The following DHX34 variants were observed in gnomAD, a reference collection of about 807,000 sequenced individuals.
The protein encoded by DHX34 is DExH-box helicase 34.
DHX34 carries 96 observed loss-of-function variants against 111.1 expected under a neutral mutation model. The ratio of observed to expected loss-of-function variants is 0.86; its 90% confidence interval spans 0.73 to 1.02. The LOEUF is 1.02. Among genes scored for constraint, DHX34 ranks in the 50% least tolerant of loss-of-function variants. The probability of loss-of-function intolerance (pLI) is 0.00; values close to 1 mark genes in which losing one functional copy is unlikely to be tolerated. For missense variants in DHX34, 1,560 were observed against 1,579.9 expected, an observed-to-expected ratio of 0.99 and a Z score of 0.21; for synonymous variants, 688 against 670.4, an observed-to-expected ratio of 1.03 and a Z score of -0.41.
chr19:47,368,273 A>G (rs190579965), intron 7 of DHX34, among the ~76,000 whole-genome samples: 2,500 of 89,664 alleles, frequency 0.028, 28 homozygotes, highest in Middle Eastern at 0.075. Context: ...TGTAACCAAC[A>G]GTCTCATCAT....
At chr19:47,381,429 C>T (rs144844747) in intron 16 of DHX34, 105 bp downstream of exon 16, 113 of 1,462,736 alleles carry the variant, frequency 7.7e-5, no homozygotes, top group Non-Finnish European at 9.2e-5. Flanking sequence ...CGAGGACTGA[C>T]GACCTCCACC....
chr19:47,375,555 C>A lies in DHX34; in HGVS notation c.2154C>A (p.Arg718=). 1 of 1,549,892 alleles carries A rather than the reference C, an allele frequency of 6.5e-7. No homozygotes were observed. ...SYSRLQQRRE[R]RALHQLKRQH... ...GTCGGTTGCAGCAGCGCCGGGAGCG[C>A]CGGGCCCTGCACCAGCTGAAACGCC... The change falls in exon 10 of 17, where the codon CGC becomes CGA. Residue 718 remains arginine, a synonymous_variant. Transcript: ENST00000328771.
chr19:47,381,081 G>T (rs1314207744), intron 15 of DHX34, 89 bp downstream of exon 15: 1 of 1,553,976 alleles, frequency 6.4e-7, no homozygotes, highest in Admixed American at 1.9e-5. Flanking sequence ...TAGTTCCCAA[G>T]TGGGGCCCGT....
chr19:47,373,877 G>A (rs1412432589), intron 9 of DHX34, among the ~76,000 whole-genome samples, 177 bp downstream of exon 9: 2 of 152,192 alleles, frequency 1.3e-5, no homozygotes, highest in Non-Finnish European at 2.9e-5. Context: ...AAAGGGAGCA[G>A]AAATCCAGGA....
At chr19:47,359,367 C>G (rs1969554306) in intron 4 of DHX34, among the ~76,000 whole-genome samples, 1 of 151,546 alleles carries the variant, frequency 6.6e-6, no homozygotes, top group African/African-American at 2.4e-5. Flanking sequence ...GAGGCTGATG[C>G]AGGAGGATCG....
chr19:47,381,929 A>T (rs961066272), intron 16 of DHX34, 51 bp from the exon 17 acceptor site: 7 of 1,612,014 alleles, frequency 4.3e-6, no homozygotes, highest in African/African-American at 4.0e-5. Context: ...GTGCAGGTAG[A>T]CCTGTGCACT....
intron 7 of DHX34, among the ~76,000 whole-genome samples, chr19:47,369,619 A>C (rs541505703): frequency 6.6e-6 from 1 of 152,334 alleles, no homozygotes; most frequent in Admixed American, 6.5e-5. Context: ...ATTGCTGCTC[A>C]GGTGGATGCA....
chr19:47,366,465 G>A (rs577780326), intron 6 of DHX34, among the ~76,000 whole-genome samples: 6 of 152,128 alleles, frequency 3.9e-5, no homozygotes, highest in African/African-American at 1.4e-4. Context: ...ATTTTTAGTA[G>A]AGATGGGGTT....
intron 11 of DHX34, 94 bp from the exon 12 acceptor site, chr19:47,376,349 A>G (rs1218119461): frequency 1.3e-6 from 2 of 1,544,300 alleles, no homozygotes; most frequent in South Asian, 2.4e-5. Flanking sequence ...GGCTTCCTGG[A>G]GGAGGGAACC....
At position 47,362,609 on chromosome 19, in the gene DHX34, C is replaced by G; in HGVS notation, c.1509C>G (p.Leu503=). The part of the protein sequence containing the change: ...GRTGPGVCFR[L]YAESDYDAFA... ...CGGGCCCCGGAGTCTGCTTCCGCCT[C>G]TATGCCGAATCGGACTATGATGCCT... The change falls in exon 6 of 17, where the codon CTC becomes CTG. Residue 503 remains leucine, a synonymous_variant. Transcript: ENST00000328771. 2 of 1,613,960 alleles carry G rather than the reference C, an allele frequency of 1.2e-6. No individual in the cohort carries two copies. Among genetic ancestry groups the G allele is most frequent in the Non-Finnish European group, 1.7e-6 (2 of 1,180,000 alleles).
chr19:47,377,062 G>A (rs563288918), intron 12 of DHX34, 38 bp from the exon 13 acceptor site: 8 of 1,612,678 alleles, frequency 5.0e-6, no homozygotes, highest in Non-Finnish European at 5.9e-6. Flanking sequence ...GCCTGGGTGG[G>A]CCAGGGTGGG....
chr19:47,377,038 C>T (rs1284725849), intron 12 of DHX34, 62 bp from the exon 13 acceptor site: 39 of 1,609,820 alleles, frequency 2.4e-5, no homozygotes, highest in East Asian at 6.7e-5. Flanking sequence ...GTGGGACAGG[C>T]GGGCTTCTGA....
intron 15 of DHX34, 53 bp downstream of exon 15, chr19:47,381,045 C>A: frequency 6.5e-7 from 1 of 1,541,752 alleles, no homozygotes; most frequent in Non-Finnish European, 8.7e-7. Flanking sequence ...GACCCCACCA[C>A]CCCGTTTCAC....
chr19:47,378,816 G>A (rs749588398), intron 13 of DHX34, among the ~76,000 whole-genome samples: 3 of 151,096 alleles, frequency 2.0e-5, no homozygotes, highest in Non-Finnish European at 4.4e-5. Flanking sequence ...CAGCCTGGGT[G>A]ACAGAGTGAG....
intron 3 of DHX34, 134 bp downstream of exon 3, chr19:47,355,484 C>T: frequency 7.3e-7 from 1 of 1,365,526 alleles, no homozygotes; most frequent in Non-Finnish European, 9.9e-7. Context: ...TTTAAAGCTA[C>T]CATTTTCTGA....
In DHX34 at chr19:47,360,138, CGT is replaced by C. The variant is rs997803667; in HGVS notation, c.1375+74_1375+75del. On this transcript the variant is annotated intron_variant, in intron 5 of 16. Coordinates refer to ENST00000328771, the MANE Select transcript of DHX34 (RefSeq NM_014681.6). ...TAGGAGCATGGGGTCCGGAGGTGTG[CGT>C]GTGTGGCAGGGGCGCACCAGCTTGG... is the stretch of plus-strand genomic sequence containing the variant. 3 of 1,487,646 alleles carry C rather than the reference CGT, an allele frequency of 2.0e-6. No individual in the cohort carries two copies. In the African/African-American group the frequency reaches 4.1e-5, roughly 21 times the overall value. 92.2% of individuals were successfully genotyped at this position (1,487,646 alleles called of 1,614,324 possible).
At chr19:47,374,282 C>CAA (rs1284977225) in intron 9 of DHX34, among the ~76,000 whole-genome samples, 2 of 151,768 alleles carry the variant, frequency 1.3e-5, no homozygotes, top group Non-Finnish European at 2.9e-5. Flanking sequence ...TCTAAAAATA[C>CAA]AAAAATTAGC....
chr19:47,368,520 G>C (rs1416763442), intron 7 of DHX34, among the ~76,000 whole-genome samples: 1 of 150,268 alleles, frequency 6.7e-6, no homozygotes, highest in African/African-American at 2.4e-5. Context: ...TGGTCAGGCT[G>C]GTCTTGAACT....
At chr19:47,378,290 C>A (rs200797556) in intron 13 of DHX34, among the ~76,000 whole-genome samples, 1 of 149,706 alleles carries the variant, frequency 6.7e-6, no homozygotes, top group African/African-American at 2.5e-5. Flanking sequence ...GTGGGCCAGG[C>A]ACTGTTAGTG....
Sources: gnomAD v4.1 joint callset for allele counts (sites outside exome capture counted in the v4.1 genomes callset) on GRCh38, gnomAD v4.1.1 for gene constraint, MANE v1.5 for transcripts, NCBI Gene and HGNC (gene_info 2026-07-23, HGNC 2026-07-21) for gene names.